HSD11B1: variants seen among roughly 807,000 people sequenced by gnomAD.
HSD11B1 encodes 11-beta-hydroxysteroid dehydrogenase 1.
A neutral mutation model predicts 22.1 loss-of-function variants in HSD11B1; 15 were observed. The observed-to-expected ratio is 0.68, with a 90% CI of 0.45 to 1.04. The LOEUF (loss-of-function observed/expected upper bound fraction) is 1.04. Among genes scored for constraint, HSD11B1 ranks in the 50% least tolerant of loss-of-function variants. The probability of loss-of-function intolerance (pLI) is 0.00; values close to 1 mark genes in which losing one functional copy is unlikely to be tolerated. For synonymous variants in HSD11B1, 122 were observed against 125.2 expected (o/e 0.97, Z 0.17); for missense variants, 281 against 357.6 (o/e 0.79, Z 1.73).
chr1:209,693,879 A>T (rs760407058), intron 1 of HSD11B1, among the ~76,000 whole-genome samples: 1 of 152,042 alleles, frequency 6.6e-6, no homozygotes, highest in African/African-American at 2.4e-5. Context: ...CTCCTCTGGA[A>T]CTCTCAGGCA....
chr1:209,698,214 GATA>G, intron 1 of HSD11B1, among the ~76,000 whole-genome samples: 1 of 149,884 alleles, frequency 6.7e-6, no homozygotes, highest in African/African-American at 2.4e-5. Context: ...TAGATAGATA[GATA>G]GGAAGGACAG....
upstream of HSD11B1, among the ~76,000 whole-genome samples, chr1:209,702,445 G>C (rs570953321): frequency 6.6e-6 from 1 of 152,320 alleles, no homozygotes; most frequent in South Asian, 2.1e-4. Context: ...GAGAGAACCA[G>C]CCATGTAAAT....
Position 209,711,013 on chromosome 1 carries a change from A to G in HSD11B1, c.517+3885A>G, listed in dbSNP as rs893432769. ...AGTTGAGTTGACTAGCCGGGGGCAA[A>G]CATTCATAAGACAGTGCTCTGTGGG... On this transcript the variant is annotated intron_variant, in intron 4 of 5. Transcript: ENST00000367027. Among the ~76,000 whole-genome samples the G allele has an allele frequency of 2.6e-4, 40 of 152,282 alleles. 1 individual carries two copies. Among genetic ancestry groups the G allele is most frequent in the African/African-American group, 9.1e-4 (38 of 41,568 alleles).
chr1:209,709,937 AACACAC>A (rs71143893), intron 4 of HSD11B1, among the ~76,000 whole-genome samples: 38 of 143,888 alleles, frequency 2.6e-4, no homozygotes, highest in East Asian at 8.3e-4. Flanking sequence ...CCACATGTGA[AACACAC>A]ACACACACAC....
rs2076855521 is a variant in HSD11B1, at chr1:209,705,885, G to A, written c.163G>A (p.Ala55Thr). 6.2e-7 allele frequency: 1 copy of A among 1,613,892 alleles called. No homozygotes were observed. Among genetic ancestry groups the A allele is most frequent in the African/African-American group, 1.3e-5 (1 of 74,930 alleles). The change falls in exon 2 of 6, where the codon GCG (alanine) becomes ACG (threonine). Residue 55 changes from alanine (A) to threonine (T), a missense_variant. Physicochemically the swap from Ala to Thr is moderately conservative, Grantham distance 58. Coordinates refer to ENST00000367027, the MANE Select transcript of HSD11B1 (RefSeq NM_005525.4). ...CGGAAGAGAGATGGCTTATCATCTG[G>A]CGAAGATGGGAGCCCATGTGGTGGT... ...GIGREMAYHL[A>T]KMGAHVVVTA...
In HSD11B1 at chr1:209,707,106, T is replaced by C; in HGVS notation, c.495T>C (p.Ile165=). The C allele has an allele frequency of 6.2e-7, 1 of 1,614,006 alleles. No homozygotes were observed. The highest frequency in any genetic ancestry group is 8.5e-7 in the Non-Finnish European group (1 of 1,179,976). ...LPMLKQSNGS[I]VVVSSLAGKV... ...TGCTGAAGCAGAGCAATGGAAGCAT[T>C]GTTGTCGTCTCCTCTCTGGCTGGTA... The change falls in exon 4 of 6, where the codon ATT becomes ATC. Residue 165 remains isoleucine (I), a synonymous_variant. Coordinates refer to ENST00000367027, the MANE Select transcript of HSD11B1 (RefSeq NM_005525.4).
intron 1 of HSD11B1, among the ~76,000 whole-genome samples, chr1:209,690,838 GAGCTCTAAT>G (rs1350521879): frequency 6.6e-6 from 1 of 151,802 alleles, no homozygotes; most frequent in Non-Finnish European, 1.5e-5. Flanking sequence ...ATCAGCTCAG[GAGCTCTAAT>G]ATCTTCTATT....
At chr1:209,690,301 GT>G (rs2076751735) in intron 1 of HSD11B1, among the ~76,000 whole-genome samples, 1 of 151,742 alleles carries the variant, frequency 6.6e-6, no homozygotes, top group Non-Finnish European at 1.5e-5. Flanking sequence ...GTGAGACCCT[GT>G]CTCAAAAAAT....
At chr1:209,726,292 AAAAAAAAAAAAACC>A (rs937595997) in intron 4 of HSD11B1, among the ~76,000 whole-genome samples, 4 of 151,676 alleles carry the variant, frequency 2.6e-5, no homozygotes, top group African/African-American at 9.7e-5. Context: ...AAAAAAAAAA[AAAAAAAAAAAAACC>A]AAAAATATTT....
chr1:209,713,896 T>A (rs1465704006), intron 4 of HSD11B1, among the ~76,000 whole-genome samples: 1 of 152,232 alleles, frequency 6.6e-6, no homozygotes, highest in Admixed American at 6.5e-5. Context: ...GAGGGCTGCC[T>A]ATATTGATTT....
chr1:209,709,216 G>T lies in HSD11B1; in HGVS notation c.517+2088G>T, dbSNP rs1431053462. 2.6e-5 allele frequency among the ~76,000 whole-genome samples: 4 copies of T among 152,158 alleles called. No homozygotes were observed. In the East Asian group the frequency reaches 7.7e-4, roughly 29 times the overall value. ...TTGTTTATTGAGTTTCAGTGATAAA[G>T]AATTGTTTTTTCTCCACAATGCATT... On this transcript the variant is annotated intron_variant, in intron 4 of 5. Coordinates refer to ENST00000367027, the MANE Select transcript of HSD11B1 (RefSeq NM_005525.4).
intron 4 of HSD11B1, among the ~76,000 whole-genome samples, chr1:209,707,378 T>A (rs1007890852): frequency 2.6e-5 from 4 of 152,038 alleles, no homozygotes; most frequent in African/African-American, 9.7e-5. Flanking sequence ...CTGCTGGAGG[T>A]ACAGCCTGTC....
In HSD11B1 at chr1:209,734,404, A is replaced by G. The variant is rs1299551155; in HGVS notation, c.762A>G (p.Glu254=). The change falls in exon 6 of 6, where the codon GAA becomes GAG. Residue 254 remains glutamate (E), a synonymous_variant. Transcript: ENST00000367027. ...TCAAAGGGGGAGCTCTGCGCCAAGA[A>G]GAAGTGTATTATGACAGCTCACTCT... ...EIIKGGALRQ[E]EVYYDSSLWT... 1 of 1,614,172 alleles carries G rather than the reference A, an allele frequency of 6.2e-7. No individual in the cohort carries two copies. Among genetic ancestry groups the G allele is most frequent in the South Asian group, 1.1e-5 (1 of 91,088 alleles).
Position 209,716,728 on chromosome 1 carries a change from G to T in HSD11B1, c.517+9600G>T, listed in dbSNP as rs569571068. 2.0e-5 allele frequency among the ~76,000 whole-genome samples: 3 copies of T among 152,224 alleles called. No homozygotes were observed. The South Asian group carries it at 6.2e-4, about 32-fold the overall frequency. On this transcript the variant is annotated intron_variant, in intron 4 of 5. Transcript: ENST00000367027. ...GGAAAATAGACAAAACAATGGACAA[G>T]AATAGAGAACCCAGAAATAAACCGA...
At chr1:209,703,551 C>T (rs528380058), upstream of HSD11B1, among the ~76,000 whole-genome samples, 1 of 152,332 alleles carries the variant, frequency 6.6e-6, no homozygotes, top group South Asian at 2.1e-4. Flanking sequence ...AAGTGACCCT[C>T]ACAGCTGTGG....
chr1:209,719,213 A>G (rs1049818397), intron 4 of HSD11B1, among the ~76,000 whole-genome samples: 3 of 152,262 alleles, frequency 2.0e-5, no homozygotes, highest in East Asian at 1.9e-4. Context: ...ATATTATTCA[A>G]TCTTTAAAAG....
chr1:209,696,463 C>A (rs1427162451), intron 1 of HSD11B1, among the ~76,000 whole-genome samples: 1 of 152,122 alleles, frequency 6.6e-6, no homozygotes, highest in African/African-American at 2.4e-5. Flanking sequence ...GGTGGTTATA[C>A]TACCTGAAGC....
intron 1 of HSD11B1, among the ~76,000 whole-genome samples, chr1:209,692,621 G>A (rs1272177036): frequency 4.4e-5 from 5 of 112,666 alleles, no homozygotes; most frequent in Admixed American, 8.9e-5. Flanking sequence ...GGGGGGGGTG[G>A]GGGCTCGGTT....
In HSD11B1 at chr1:209,706,608, G is replaced by A. The variant is rs935465998; in HGVS notation, c.220-101G>A. The A allele has an allele frequency of 1.2e-6, 1 of 805,980 alleles. No individual in the cohort carries two copies. 49.9% of individuals were successfully genotyped at this position (805,980 alleles called of 1,614,324 possible). A position where few individuals can be genotyped will look rare whatever the true frequency, so the allele number is the denominator to read the frequency against. On this transcript the variant is annotated intron_variant, in intron 2 of 5. Coordinates refer to ENST00000367027, the MANE Select transcript of HSD11B1 (RefSeq NM_005525.4). This position sits in a 1 kb window ranked among gnomAD's most constrained non-coding sequence, Gnocchi z 4.0. ...ATACTTACCATTTCTTACCTAAACAGGGCTGTGAGCAATCTCTCATTTAAG... is the reference window on the plus strand; with the variant it reads ...ATACTTACCATTTCTTACCTAAACAAGGCTGTGAGCAATCTCTCATTTAAG...
Sources: gnomAD v4.1 joint callset for allele counts (sites outside exome capture counted in the v4.1 genomes callset) on GRCh38, gnomAD v4.1.1 for gene constraint, Gnocchi (gnomAD v3.1) non-coding constraint, MANE v1.5 for transcripts, NCBI Gene and HGNC (gene_info 2026-07-23, HGNC 2026-07-21) for gene names.